The following SIPA1L1 variants were observed in gnomAD, a reference collection of about 807,000 sequenced individuals.
The protein encoded by SIPA1L1 is signal induced proliferation associated 1 like 1, also known as signal-induced proliferation-associated 1-like protein 1.
In SIPA1L1, 26 loss-of-function variants were observed where a neutral mutation model predicts 162.7. The ratio of observed to expected loss-of-function variants is 0.16; its 90% CI spans 0.12 to 0.22. The LOEUF (loss-of-function observed/expected upper bound fraction) is 0.22, where lower values mean the gene tolerates loss of function less well. Among genes scored for constraint, SIPA1L1 ranks in the 10% least tolerant of loss-of-function variants. The pLI is 1.00. For missense variants in SIPA1L1, 1,874 were observed against 2,241.0 expected, an observed-to-expected ratio of 0.84 and a Z score of 3.31; for synonymous variants, 829 against 837.4, an observed-to-expected ratio of 0.99 and a Z score of 0.17.
intron 2 of SIPA1L1, among the ~76,000 whole-genome samples, chr14:71,334,266 A>G (rs770743296): frequency 6.6e-6 from 1 of 152,156 alleles, no homozygotes; most frequent in Non-Finnish European, 1.5e-5. Context: ...AAAAGTTAAA[A>G]CTTGTAAAGC....
intron 2 of SIPA1L1, among the ~76,000 whole-genome samples, chr14:71,494,050 G>A (rs906377852): frequency 1.3e-5 from 2 of 152,172 alleles, no homozygotes; most frequent in Admixed American, 1.3e-4. Context: ...TACAATTGAG[G>A]CTTTGGAAGG....
At chr14:71,674,694 AGCTGGGACTACAGGC>A (rs1468176619) in intron 12 of SIPA1L1, among the ~76,000 whole-genome samples, 1 of 149,400 alleles carries the variant, frequency 6.7e-6, no homozygotes, top group Non-Finnish European at 1.5e-5. Flanking sequence ...CCTCCCAAGT[AGCTGGGACTACAGGC>A]GCCCGCCACT....
intron 7 of SIPA1L1, among the ~76,000 whole-genome samples, chr14:71,637,761 G>A (rs1871110907): frequency 6.6e-6 from 1 of 151,852 alleles, no homozygotes. Context: ...TTTTTAGGTA[G>A]AGGGAAAAAC....
intron 5 of SIPA1L1, among the ~76,000 whole-genome samples, chr14:71,604,011 T>A (rs974064447): frequency 1.4e-5 from 2 of 140,860 alleles, no homozygotes; most frequent in African/African-American, 2.6e-5. Flanking sequence ...ATTTTTTTTT[T>A]TTTGAGACAA....
intron 2 of SIPA1L1, among the ~76,000 whole-genome samples, chr14:71,503,497 A>G (rs1487352459): frequency 6.6e-6 from 1 of 152,208 alleles, no homozygotes; most frequent in Non-Finnish European, 1.5e-5. Context: ...CTTATTTGTA[A>G]AACATTTAAA....
intron 4 of SIPA1L1, among the ~76,000 whole-genome samples, chr14:71,540,830 G>A (rs1336703805): frequency 6.6e-6 from 1 of 151,702 alleles, no homozygotes; most frequent in East Asian, 2.1e-4. Flanking sequence ...GCATTAATCA[G>A]AACTTATTCA....
chr14:71,723,329 T>C (rs1040308044), intron 17 of SIPA1L1, among the ~76,000 whole-genome samples: 2 of 152,230 alleles, frequency 1.3e-5, no homozygotes, highest in African/African-American at 4.8e-5. Flanking sequence ...CTTCTGTCTC[T>C]TGCCACTGCC....
At chr14:71,450,309 C>G (rs1285183173) in intron 2 of SIPA1L1, among the ~76,000 whole-genome samples, 1 of 152,034 alleles carries the variant, frequency 6.6e-6, no homozygotes, top group Non-Finnish European at 1.5e-5. Context: ...AATTTACTTC[C>G]TAAGGTGTCA....
intron 2 of SIPA1L1, among the ~76,000 whole-genome samples, chr14:71,337,626 C>G (rs1356665662): frequency 6.6e-6 from 1 of 152,106 alleles, no homozygotes; most frequent in Non-Finnish European, 1.5e-5. Flanking sequence ...TCAATTATCT[C>G]CCACCGGCTC....
intron 3 of SIPA1L1, among the ~76,000 whole-genome samples, chr14:71,528,420 C>G (rs1170210797): frequency 2.0e-5 from 3 of 150,960 alleles, no homozygotes; most frequent in Non-Finnish European, 4.4e-5. Context: ...TTTGGGAGGC[C>G]GAGGCAGGTG....
chr14:71,345,298 A>C (rs2036042552), intron 2 of SIPA1L1, among the ~76,000 whole-genome samples: 1 of 152,128 alleles, frequency 6.6e-6, no homozygotes, highest in Admixed American at 6.5e-5. Context: ...ATGCTCTTTC[A>C]TGCACTTATT....
intron 3 of SIPA1L1, among the ~76,000 whole-genome samples, chr14:71,527,457 T>C (rs1005566377): frequency 6.6e-6 from 1 of 152,166 alleles, no homozygotes; most frequent in African/African-American, 2.4e-5. Flanking sequence ...TCCTCCTGCT[T>C]CAGCCTCCCA....
chr14:71,360,490 A>G (rs924811157), intron 2 of SIPA1L1, among the ~76,000 whole-genome samples: 5 of 152,242 alleles, frequency 3.3e-5, no homozygotes, highest in African/African-American at 7.2e-5. Context: ...TGAAGTATCA[A>G]TAGGAGACGA....
At chr14:71,620,793 T>A (rs2148529052) in intron 6 of SIPA1L1, among the ~76,000 whole-genome samples, 1 of 152,316 alleles carries the variant, frequency 6.6e-6, no homozygotes, top group East Asian at 1.9e-4. Flanking sequence ...TCTGCTTTAC[T>A]CCCTTGACCC....
At chr14:71,638,002 C>G (rs1290231849) in intron 7 of SIPA1L1, among the ~76,000 whole-genome samples, 1 of 152,084 alleles carries the variant, frequency 6.6e-6, no homozygotes, top group Non-Finnish European at 1.5e-5. Context: ...ACAGTCACAA[C>G]TCAGCTAACT....
chr14:71,361,534 G>A (rs767089915), intron 2 of SIPA1L1, among the ~76,000 whole-genome samples: 2 of 152,144 alleles, frequency 1.3e-5, no homozygotes, highest in Non-Finnish European at 2.9e-5. Context: ...CTGGTCAACG[G>A]GTTTTCCTGT....
At chr14:71,467,905 G>A (rs768403609) in intron 2 of SIPA1L1, among the ~76,000 whole-genome samples, 3 of 150,926 alleles carry the variant, frequency 2.0e-5, no homozygotes, top group Non-Finnish European at 2.9e-5. Context: ...ATTTACCAGC[G>A]TTGTGATCTT....
chr14:71,473,736 G>C (rs1222402002), intron 2 of SIPA1L1, among the ~76,000 whole-genome samples: 1 of 152,176 alleles, frequency 6.6e-6, no homozygotes, highest in Non-Finnish European at 1.5e-5. Context: ...GGAAGGATTT[G>C]GGTGATGTGG....
intron 2 of SIPA1L1, among the ~76,000 whole-genome samples, chr14:71,385,686 CTTTT>C (rs532140419): frequency 8.9e-6 from 1 of 112,384 alleles, no homozygotes; most frequent in Non-Finnish European, 1.8e-5. Flanking sequence ...TTTGTACATT[CTTTT>C]TTTTTTTTTT....
Sources: allele counts gnomAD v4.1 joint callset (sites outside exome capture counted in the v4.1 genomes callset), GRCh38; gene constraint gnomAD v4.1.1; transcripts MANE v1.5; gene names NCBI Gene and HGNC (gene_info 2026-07-23, HGNC 2026-07-21).